The following EYS variants were observed in gnomAD, a reference collection of about 807,000 sequenced individuals.
The protein encoded by EYS is EGF-like photoreceptor maintenance factor, also known as protein eyes shut homolog.
EYS carries 250 observed loss-of-function variants against 282.1 expected under a neutral mutation model. That is an observed-to-expected ratio of 0.89 (90% CI 0.80 to 0.98). EYS has a LOEUF of 0.98. Among genes scored for constraint, EYS ranks in the 50% least tolerant of loss-of-function variants. The pLI is 0.00. For missense variants in EYS, 4,016 were observed against 3,709.0 expected (o/e 1.08, Z -2.15); for synonymous variants, 1,355 against 1,282.9 (o/e 1.06, Z -1.20).
chr6:64,744,615 A>G (rs1223291136), intron 22 of EYS, among the ~76,000 whole-genome samples: 1 of 152,204 alleles, frequency 6.6e-6, no homozygotes, highest in Non-Finnish European at 1.5e-5. Flanking sequence ...ATTTAGTAAA[A>G]CTTGAACTAA....
chr6:64,244,309 T>C (rs1483286300), intron 30 of EYS, among the ~76,000 whole-genome samples: 1 of 152,182 alleles, frequency 6.6e-6, no homozygotes, highest in Non-Finnish European at 1.5e-5. Flanking sequence ...GTTGGTCTTT[T>C]TGAGCATTTT....
intron 2 of EYS, among the ~76,000 whole-genome samples, chr6:65,611,467 T>C (rs1478333291): frequency 6.6e-6 from 1 of 151,992 alleles, no homozygotes; most frequent in Non-Finnish European, 1.5e-5. Flanking sequence ...ATTTTCTTAG[T>C]TTTATGTTTA....
At chr6:64,731,762 A>C (rs1172211443) in intron 22 of EYS, among the ~76,000 whole-genome samples, 1 of 152,154 alleles carries the variant, frequency 6.6e-6, no homozygotes, top group African/African-American at 2.4e-5. Context: ...GCGATTCCTG[A>C]AGGATCTAGA....
chr6:65,095,727 A>T (rs1182609228), intron 12 of EYS, among the ~76,000 whole-genome samples: 1 of 150,734 alleles, frequency 6.6e-6, no homozygotes, highest in African/African-American at 2.4e-5. Flanking sequence ...ATGCAGGAAA[A>T]GCATTTGACT....
chr6:65,055,255 C>T (rs1773379691), intron 13 of EYS, among the ~76,000 whole-genome samples: 1 of 152,006 alleles, frequency 6.6e-6, no homozygotes, highest in Non-Finnish European at 1.5e-5. Context: ...TGTGCAGGGG[C>T]TACAGGTGTG....
intron 29 of EYS, among the ~76,000 whole-genome samples, chr6:64,339,684 G>A (rs143688375): frequency 2.6e-4 from 40 of 151,926 alleles, no homozygotes; most frequent in South Asian, 1.7e-3. Context: ...GCACACGCGT[G>A]TTTACTGCAG....
At chr6:64,778,228 C>A (rs1289051292) in intron 22 of EYS, among the ~76,000 whole-genome samples, 1 of 151,996 alleles carries the variant, frequency 6.6e-6, no homozygotes. Flanking sequence ...AGTGATCTTA[C>A]CTCTTGTTTT....
At chr6:64,968,030 C>T (rs1770155236) in intron 14 of EYS, among the ~76,000 whole-genome samples, 1 of 152,048 alleles carries the variant, frequency 6.6e-6, no homozygotes, top group Non-Finnish European at 1.5e-5. Context: ...ATGAATGAGG[C>T]CTTCAGAGGC....
chr6:64,728,556 C>G (rs1335793966), intron 22 of EYS, among the ~76,000 whole-genome samples: 1 of 152,124 alleles, frequency 6.6e-6, no homozygotes, highest in Admixed American at 6.5e-5. Context: ...AGGATGGTCT[C>G]TATCTCCTGA....
chr6:64,487,571 T>G (rs1357534363), intron 26 of EYS, among the ~76,000 whole-genome samples: 1 of 150,990 alleles, frequency 6.6e-6, no homozygotes, highest in Non-Finnish European at 1.5e-5. Context: ...ATTTTAGAAC[T>G]AAAAGAAGAT....
At chr6:64,128,064 G>T (rs141710989) in intron 31 of EYS, among the ~76,000 whole-genome samples, 1 of 152,144 alleles carries the variant, frequency 6.6e-6, no homozygotes, top group Non-Finnish European at 1.5e-5. Flanking sequence ...TGTCTACCTA[G>T]GTCAAAGGCT....
At chr6:65,464,848 C>T (rs73741587) in intron 5 of EYS, among the ~76,000 whole-genome samples, 193 of 152,218 alleles carry the variant, frequency 1.3e-3, no homozygotes, top group Middle Eastern at 6.8e-3. Context: ...TTGTGTTCCA[C>T]GTGTGGGACT....
chr6:65,016,402 T>G (rs2150136009), intron 13 of EYS, among the ~76,000 whole-genome samples: 1 of 152,354 alleles, frequency 6.6e-6, no homozygotes, highest in Admixed American at 6.5e-5. Flanking sequence ...GTGAAAATGC[T>G]AAGCATGTCT....
At chr6:64,687,849 C>T (rs1770214492) in intron 22 of EYS, among the ~76,000 whole-genome samples, 1 of 152,088 alleles carries the variant, frequency 6.6e-6, no homozygotes, top group Non-Finnish European at 1.5e-5. Flanking sequence ...CAGTCTGGTC[C>T]TGGAATTTTT....
chr6:64,946,021 T>C, intron 14 of EYS, 107 bp from the exon 15 acceptor site: 1 of 933,860 alleles, frequency 1.1e-6, no homozygotes, highest in South Asian at 2.5e-5. Context: ...TTATAATTTT[T>C]TTAGTTTTAT....
At chr6:64,120,774 TTC>T (rs998888051) in intron 31 of EYS, among the ~76,000 whole-genome samples, 11 of 152,290 alleles carry the variant, frequency 7.2e-5, no homozygotes, top group Middle Eastern at 6.8e-3. Flanking sequence ...TACATTAGTT[TTC>T]TGTTGCTGCA....
At chr6:64,999,714 A>G (rs7765697) in intron 13 of EYS, among the ~76,000 whole-genome samples, 66,195 of 152,072 alleles carry the variant, frequency 0.44, 16,600 homozygotes, top group African/African-American at 0.69. Context: ...ATTGAGAGGC[A>G]CACATCAGCA....
At chr6:64,955,635 G>A (rs531260269) in intron 14 of EYS, among the ~76,000 whole-genome samples, 12 of 152,196 alleles carry the variant, frequency 7.9e-5, no homozygotes, top group African/African-American at 2.4e-4. Flanking sequence ...TAATATCATC[G>A]GCATTGCAGT....
chr6:64,901,770 C>T (rs552709166), intron 18 of EYS, among the ~76,000 whole-genome samples: 1 of 151,894 alleles, frequency 6.6e-6, no homozygotes, highest in African/African-American at 2.4e-5. Context: ...TAAAAATGAG[C>T]AACAGATACA....
Sources: gnomAD v4.1 joint callset for allele counts (sites outside exome capture counted in the v4.1 genomes callset) on GRCh38, gnomAD v4.1.1 for gene constraint, MANE v1.5 for transcripts, NCBI Gene and HGNC (gene_info 2026-07-23, HGNC 2026-07-21) for gene names.